The following ADARB1 variants were observed in gnomAD, a reference collection of about 807,000 sequenced individuals.
ADARB1 encodes double-stranded RNA-specific editase 1.
Under a neutral mutation model 52.4 loss-of-function variants are expected in ADARB1, and 10 were observed. The ratio of observed to expected loss-of-function variants is 0.19; its 90% confidence interval spans 0.12 to 0.32. The LOEUF is 0.32. Among genes scored for constraint, ADARB1 ranks in the 10% least tolerant of loss-of-function variants. The pLI is 1.00. For synonymous variants in ADARB1, 349 were observed against 371.1 expected, an observed-to-expected ratio of 0.94 and a Z score of 0.68; for missense variants, 643 against 922.3, an observed-to-expected ratio of 0.70 and a Z score of 3.92.
At chr21:45,168,028 T>C (rs2091324812) in intron 2 of ADARB1, among the ~76,000 whole-genome samples, 1 of 152,166 alleles carries the variant, frequency 6.6e-6, no homozygotes, top group Admixed American at 6.5e-5. Flanking sequence ...CAACACTATG[T>C]TGAATAGCCC....
intron 2 of ADARB1, chr21:45,144,912 C>G (rs1457322433): frequency 5.2e-6 from 1 of 193,116 alleles, no homozygotes; most frequent in Non-Finnish European, 1.1e-5. Context: ...GTGCATTGGG[C>G]TGTGTCATTT....
At position 45,220,897 on chromosome 21, in the gene ADARB1, G is replaced by T; in HGVS notation, c.1809G>T (p.Thr603=). 1.2e-6 allele frequency: 2 copies of T among 1,613,454 alleles called. No individual in the cohort carries two copies. The highest frequency in any genetic ancestry group is 1.7e-6 in the Non-Finnish European group (2 of 1,180,026). The stretch of plus-strand genomic sequence containing the variant: ...CCCCCAACTTCAGTGTCAACTGGAC[G>T]GTAGGCGACTCCGCTATTGAGGTCA... ...GKAPNFSVNW[T]VGDSAIEVIN... Residue 603 remains threonine (T), a synonymous_variant, in exon 10 of 11, where the codon ACG becomes ACT. Transcript: ENST00000348831. This position sits in a 1 kb window ranked among gnomAD's most constrained non-coding sequence, Gnocchi z 6.3.
chr21:45,082,982 A>G (rs547235286), intron 1 of ADARB1, among the ~76,000 whole-genome samples: 3 of 152,322 alleles, frequency 2.0e-5, no homozygotes, highest in East Asian at 3.9e-4. Context: ...CTTGGGGCCT[A>G]TAGCTAGCCC....
intron 1 of ADARB1, among the ~76,000 whole-genome samples, chr21:45,095,058 A>C (rs2086702129): frequency 6.6e-6 from 1 of 152,200 alleles, no homozygotes; most frequent in Admixed American, 6.5e-5. Context: ...CTTGCTAGTC[A>C]CTAATGATCT....
chr21:45,109,133 A>G (rs545278379), intron 1 of ADARB1, among the ~76,000 whole-genome samples: 1 of 150,932 alleles, frequency 6.6e-6, no homozygotes, highest in South Asian at 2.1e-4. Context: ...CTCCTCCTGT[A>G]TGCGTGTGTG....
At chr21:45,217,541 TA>T (rs780655284) in intron 9 of ADARB1, among the ~76,000 whole-genome samples, 1 of 152,186 alleles carries the variant, frequency 6.6e-6, no homozygotes, top group Non-Finnish European at 1.5e-5. Context: ...TTGCATGTGT[TA>T]AAAAAATCCA....
intron 1 of ADARB1, among the ~76,000 whole-genome samples, chr21:45,082,832 C>G (rs2086204751): frequency 6.6e-6 from 1 of 152,224 alleles, no homozygotes; most frequent in African/African-American, 2.4e-5. Flanking sequence ...CACTTCTGGT[C>G]TCCTTCAGTC....
chr21:45,110,223 G>A (rs1177533555), intron 1 of ADARB1, among the ~76,000 whole-genome samples: 7 of 152,216 alleles, frequency 4.6e-5, no homozygotes, highest in Non-Finnish European at 8.8e-5. Flanking sequence ...TTTCAGTCAT[G>A]CTTGGAAAGA....
rs761684004 is a variant in ADARB1, at chr21:45,187,568, G to A, written c.1565+2477G>A. Among the ~76,000 whole-genome samples, 110 of 152,262 alleles carry A rather than the reference G, an allele frequency of 7.2e-4. No homozygotes were observed. The Middle Eastern group carries it at 0.014, about 19-fold the overall frequency. On this transcript the variant is annotated intron_variant, in intron 8 of 10. Coordinates refer to ENST00000348831, the MANE Select transcript of ADARB1 (RefSeq NM_001112.4). Reference sequence around the variant, plus strand: ...GTGTTAAATAGAAGTGGCAAAAGTGGACATCCTTGCATTGTACCTGATCTT... The same window carrying A: ...GTGTTAAATAGAAGTGGCAAAAGTGAACATCCTTGCATTGTACCTGATCTT...
chr21:45,182,748 C>A lies in ADARB1; in HGVS notation c.1242C>A (p.Tyr414Ter). ...LRFLYTQLEL[Y>*]LNNKDDQKRS... The stretch of plus-strand genomic sequence containing the variant: ...TTCTTTATACACAACTTGAGCTTTA[C>A]TTAAAGTAAGTTTAGTAAACAAATA... Residue 414 changes from tyrosine to a stop codon, truncating the protein, a stop_gained, in exon 6 of 11, where the codon TAC becomes TAA. Coordinates refer to ENST00000348831, the MANE Select transcript of ADARB1 (RefSeq NM_001112.4). LOFTEE classifies it high-confidence loss of function. The A allele has an allele frequency of 6.3e-7, 1 of 1,576,272 alleles. No individual in the cohort carries two copies. Among genetic ancestry groups the A allele is most frequent in the Non-Finnish European group, 8.6e-7 (1 of 1,164,574 alleles).
chr21:45,161,170 A>G (rs1321171679), intron 2 of ADARB1, among the ~76,000 whole-genome samples: 1 of 152,186 alleles, frequency 6.6e-6, no homozygotes, highest in Non-Finnish European at 1.5e-5. Flanking sequence ...GGGGGAGGCT[A>G]GGGCTCTGTG....
At chr21:45,078,190 G>C (rs746203173) in intron 1 of ADARB1, among the ~76,000 whole-genome samples, 14 of 152,182 alleles carry the variant, frequency 9.2e-5, no homozygotes, top group Non-Finnish European at 1.6e-4. Flanking sequence ...AACAGGAAGG[G>C]GGATGAAAGT....
chr21:45,093,750 T>C lies in ADARB1; in HGVS notation c.-220+18957T>C, dbSNP rs112023141. Among the ~76,000 whole-genome samples, 632 of 152,292 alleles carry C rather than the reference T, an allele frequency of 4.1e-3. 4 individuals carry two copies. Among genetic ancestry groups the C allele is most frequent in the African/African-American group, 0.014 (600 of 41,556 alleles). ...GTGAAGAGGCCCTGGAGGCTGATGCTTCCGGCCAAGGGCTTCTTCTGGATT... is the reference window on the plus strand; with the variant it reads ...GTGAAGAGGCCCTGGAGGCTGATGCCTCCGGCCAAGGGCTTCTTCTGGATT... On this transcript the variant is annotated intron_variant, in intron 1 of 10. Coordinates refer to ENST00000348831, the MANE Select transcript of ADARB1 (RefSeq NM_001112.4).
At chr21:45,173,567 G>T (rs957328385) in intron 3 of ADARB1, among the ~76,000 whole-genome samples, 1 of 151,736 alleles carries the variant, frequency 6.6e-6, no homozygotes. Context: ...TATTTCAGAG[G>T]TTATAAATAT....
intron 2 of ADARB1, among the ~76,000 whole-genome samples, chr21:45,171,370 C>T (rs961748897): frequency 2.0e-4 from 31 of 152,172 alleles, no homozygotes; most frequent in Admixed American, 9.8e-4. Context: ...AGAATCCACG[C>T]GAGACGTCCT....
intron 4 of ADARB1, chr21:45,177,256 G>C (rs1465029223): frequency 6.5e-6 from 1 of 153,042 alleles, no homozygotes; most frequent in Non-Finnish European, 1.5e-5. Context: ...CTATCAGAGC[G>C]CAGGGAGGGA....
At chr21:45,127,562 C>T (rs372851861) in intron 1 of ADARB1, among the ~76,000 whole-genome samples, 16 of 152,184 alleles carry the variant, frequency 1.1e-4, no homozygotes, top group African/African-American at 3.9e-4. Context: ...CCAATCTCCT[C>T]TGAGGACTGC....
intron 2 of ADARB1, among the ~76,000 whole-genome samples, chr21:45,139,304 G>A (rs1327624851): frequency 1.3e-5 from 2 of 152,022 alleles, no homozygotes. Context: ...TTCATAAATG[G>A]CACTTATATT....
Position 45,223,850 on chromosome 21 carries a change from G to C in ADARB1, c.*1653G>C. 2 of 985,432 alleles carry C rather than the reference G, an allele frequency of 2.0e-6. No individual in the cohort carries two copies. The highest frequency in any genetic ancestry group is 1.2e-6 in the Non-Finnish European group (1 of 829,956). 61.0% of individuals were successfully genotyped at this position (985,432 alleles called of 1,614,324 possible). A position where few individuals can be genotyped will look rare whatever the true frequency, so the allele number is the denominator to read the frequency against. ...GATCTCGTCGCAGCACGGCAGGAAG[G>C]GGTGCTGCTTAGGGCTCATTGTTGG... On this transcript the variant is annotated 3_prime_UTR_variant, in exon 11 of 11. Coordinates refer to ENST00000348831, the MANE Select transcript of ADARB1 (RefSeq NM_001112.4).
Sources: gnomAD v4.1 joint callset for allele counts (sites outside exome capture counted in the v4.1 genomes callset) on GRCh38, gnomAD v4.1.1 for gene constraint, Gnocchi (gnomAD v3.1) non-coding constraint, MANE v1.5 for transcripts, NCBI Gene and HGNC (gene_info 2026-07-23, HGNC 2026-07-21) for gene names.